The following WWC2 variants were observed in gnomAD, a reference collection of about 807,000 sequenced individuals.
WWC2 encodes WW and C2 domain containing 2.
Under a neutral mutation model 138.5 loss-of-function variants are expected in WWC2, and 101 were observed. That is an observed-to-expected ratio of 0.73 (90% CI 0.62 to 0.86). The LOEUF is 0.86. WWC2 is among the 40% of genes least tolerant of loss of function. WWC2 has a pLI of 0.00. For missense variants in WWC2, 1,420 were observed against 1,419.4 expected, an observed-to-expected ratio of 1.00 and a Z score of -0.01; for synonymous variants, 558 against 538.4, an observed-to-expected ratio of 1.04 and a Z score of -0.50.
chr4:183,113,505 TGTGTGTGTGTGCGCGC>T (rs1359375219), intron 1 of WWC2, among the ~76,000 whole-genome samples: 1 of 146,748 alleles, frequency 6.8e-6, no homozygotes, highest in South Asian at 2.2e-4. Context: ...TGTGTGTGTG[TGTGTGTGTGTGCGCGC>T]GCGTGCGCGC....
intron 1 of WWC2, among the ~76,000 whole-genome samples, chr4:183,119,444 C>A (rs1333387535): frequency 1.3e-5 from 2 of 152,062 alleles, no homozygotes. Flanking sequence ...TGAGAATGAA[C>A]CCTGAAGCAC....
chr4:183,243,736 ACTGTGTGTGT>A (rs1736683309), intron 5 of WWC2, among the ~76,000 whole-genome samples: 3 of 115,212 alleles, frequency 2.6e-5, no homozygotes, highest in African/African-American at 1.0e-4. Flanking sequence ...CATTCTAAAC[ACTGTGTGTGT>A]GTGTGTGTGT....
chr4:183,274,589 CTTATTTCTA>C (rs1207197501), intron 16 of WWC2, among the ~76,000 whole-genome samples: 2 of 152,074 alleles, frequency 1.3e-5, no homozygotes, highest in African/African-American at 4.8e-5. Flanking sequence ...TTTTGTTAAA[CTTATTTCTA>C]AGTATTTTAT....
chr4:183,246,023 G>T (rs1219974833), intron 6 of WWC2, among the ~76,000 whole-genome samples: 1 of 152,144 alleles, frequency 6.6e-6, no homozygotes, highest in African/African-American at 2.4e-5. Flanking sequence ...GCTAAGGGTG[G>T]GGCGGGGAGT....
intron 20 of WWC2, among the ~76,000 whole-genome samples, chr4:183,287,777 A>G (rs1056730778): frequency 6.6e-6 from 1 of 152,192 alleles, no homozygotes; most frequent in Non-Finnish European, 1.5e-5. Context: ...CGACCGGCAG[A>G]GGTGTGCTGC....
chr4:183,224,568 G>T (rs200508368), intron 4 of WWC2, among the ~76,000 whole-genome samples: 1 of 107,054 alleles, frequency 9.3e-6, no homozygotes, highest in African/African-American at 4.3e-5. Flanking sequence ...TTTGTTTTTT[G>T]TTTATTTTTT....
chr4:183,206,767 A>G (rs1735459012), intron 2 of WWC2, among the ~76,000 whole-genome samples: 1 of 152,212 alleles, frequency 6.6e-6, no homozygotes. Flanking sequence ...AACCATCACC[A>G]AAACTGTCCG....
Position 183,320,203 on chromosome 4 carries a change from T to C in WWC2, c.*4474T>C. ...ACTCCAGCTAGTTGAGCTACAGTTC[T>C]AAATACTAAAGCCATTATAATGTCC... On this transcript the variant is annotated 3_prime_UTR_variant, in exon 23 of 23. Coordinates refer to ENST00000403733, the MANE Select transcript of WWC2 (RefSeq NM_024949.6). 1 of 1,613,648 alleles carries C rather than the reference T, an allele frequency of 6.2e-7. No individual in the cohort carries two copies. The highest frequency in any genetic ancestry group is 1.7e-5 in the Admixed American group (1 of 59,918).
At chr4:183,160,706 A>G (rs893095483) in intron 1 of WWC2, among the ~76,000 whole-genome samples, 1 of 152,184 alleles carries the variant, frequency 6.6e-6, no homozygotes, top group Non-Finnish European at 1.5e-5. Context: ...TGAGGAAGAA[A>G]TTCTACCAGT....
chr4:183,248,655 G>A, intron 6 of WWC2, 59 bp from the exon 7 acceptor site: 3 of 1,468,510 alleles, frequency 2.0e-6, no homozygotes, highest in Non-Finnish European at 1.8e-6. Context: ...TCACCTGGTA[G>A]GGAAGGTTTG....
chr4:183,167,239 G>A (rs73872941), intron 1 of WWC2, among the ~76,000 whole-genome samples: 1 of 152,080 alleles, frequency 6.6e-6, no homozygotes, highest in Non-Finnish European at 1.5e-5. Flanking sequence ...ACATACCTAG[G>A]AAATAATTCA....
chr4:183,191,303 A>G (rs1734983250), intron 1 of WWC2, among the ~76,000 whole-genome samples: 1 of 152,172 alleles, frequency 6.6e-6, no homozygotes, highest in African/African-American at 2.4e-5. Flanking sequence ...ATTGAGTTCA[A>G]ATACACTCCA....
chr4:183,159,798 C>T (rs1733909097), intron 1 of WWC2, among the ~76,000 whole-genome samples: 1 of 150,734 alleles, frequency 6.6e-6, no homozygotes, highest in South Asian at 2.1e-4. Context: ...AAATTTATAA[C>T]TCCTTTTCCT....
chr4:183,253,961 G>A lies in WWC2; in HGVS notation c.1158G>A (p.Leu386=). The A allele has an allele frequency of 6.2e-7, 1 of 1,613,856 alleles. No homozygotes were observed. The highest frequency in any genetic ancestry group is 8.5e-7 in the Non-Finnish European group (1 of 1,179,822). The change falls in exon 9 of 23, where the codon CTG becomes CTA. Residue 386 remains leucine (L), a synonymous_variant. Transcript: ENST00000403733. ...GGCAGCGGCTGGAAGAAGAGTTGCTGTCTGTGAGGGGAACACCAAGCAGAG... is the reference window on the plus strand; with the variant it reads ...GGCAGCGGCTGGAAGAAGAGTTGCTATCTGTGAGGGGAACACCAAGCAGAG... ...AERQRLEEEL[L]SVRGTPSRAL...
chr4:183,165,388 A>AAAT (rs2111151882), intron 1 of WWC2, among the ~76,000 whole-genome samples: 1 of 152,288 alleles, frequency 6.6e-6, no homozygotes, highest in African/African-American at 2.4e-5. Flanking sequence ...AAAATATTTG[A>AAAT]GCATTAAGGG....
chr4:183,253,724 A>T, intron 8 of WWC2, 33 bp from the exon 9 acceptor site: 1 of 1,591,976 alleles, frequency 6.3e-7, no homozygotes, highest in East Asian at 2.2e-5. Context: ...AGTTTTAAGT[A>T]TGTGCATACC....
chr4:183,201,321 T>G (rs1191152889), intron 2 of WWC2, among the ~76,000 whole-genome samples: 1 of 152,204 alleles, frequency 6.6e-6, no homozygotes, highest in Non-Finnish European at 1.5e-5. Flanking sequence ...TTCTGCATAT[T>G]TAAATATTTA....
chr4:183,153,518 C>A (rs1182669748), intron 1 of WWC2, among the ~76,000 whole-genome samples: 2 of 151,916 alleles, frequency 1.3e-5, no homozygotes, highest in Non-Finnish European at 2.9e-5. Context: ...AATAGTTAAA[C>A]ATTTAAAATG....
intron 17 of WWC2, among the ~76,000 whole-genome samples, chr4:183,282,328 A>C (rs1239333049): frequency 6.6e-6 from 1 of 152,208 alleles, no homozygotes; most frequent in Admixed American, 6.5e-5. Context: ...TTCTGTATTC[A>C]CTGTCATATG....
Sources: allele counts gnomAD v4.1 joint callset (sites outside exome capture counted in the v4.1 genomes callset), GRCh38; gene constraint gnomAD v4.1.1; transcripts MANE v1.5; gene names NCBI Gene and HGNC (gene_info 2026-07-23, HGNC 2026-07-21).